The following SLC24A5 variants were observed in gnomAD, a reference collection of about 807,000 sequenced individuals.
SLC24A5 encodes sodium/potassium/calcium exchanger 5.
In SLC24A5, 46 loss-of-function variants were observed where a neutral mutation model predicts 51.6. That is an observed-to-expected ratio of 0.89 (90% CI 0.70 to 1.14). SLC24A5 has a LOEUF of 1.14. SLC24A5 is among the 50% of genes most tolerant of loss of function. The probability of loss-of-function intolerance (pLI) is 0.00; values close to 1 mark genes in which losing one functional copy is unlikely to be tolerated. For synonymous variants in SLC24A5, 230 were observed against 214.9 expected (o/e 1.07, Z -0.62); for missense variants, 581 against 604.1 (o/e 0.96, Z 0.40).
chr15:48,139,046 T>C lies in SLC24A5; in HGVS notation c.949T>C (p.Leu317=), dbSNP rs1211206409. The change falls in exon 7 of 9, where the codon TTA becomes CTA. Residue 317 remains leucine (L), a synonymous_variant. Transcript: ENST00000341459. The part of the protein sequence containing the change: ...FWVLSLPIIT[L]LFLTTPDCRK... ...GGTATTATCCCTTCCTATTATTACA[T>C]TACTTTTTCTAACCACACCAGATTG... 1.2e-6 allele frequency: 2 copies of C among 1,613,126 alleles called. No homozygotes were observed. The highest frequency in any genetic ancestry group is 1.7e-6 in the Non-Finnish European group (2 of 1,179,298).
chr15:48,121,796 CTG>C, intron 1 of SLC24A5, 59 bp from the exon 2 acceptor site: 1 of 1,540,704 alleles, frequency 6.5e-7, no homozygotes, highest in Non-Finnish European at 8.9e-7. Context: ...AGGAAGCTCT[CTG>C]TGGGCTTGGA....
intron 2 of SLC24A5, among the ~76,000 whole-genome samples, chr15:48,128,948 T>A (rs570516258): frequency 6.6e-6 from 1 of 152,312 alleles, no homozygotes; most frequent in East Asian, 1.9e-4. Flanking sequence ...GTTCCCTTCC[T>A]ACCTCTGCAT....
chr15:48,133,362 G>A (rs924920812), intron 2 of SLC24A5, among the ~76,000 whole-genome samples: 6 of 151,976 alleles, frequency 3.9e-5, no homozygotes, highest in Non-Finnish European at 5.9e-5. Flanking sequence ...AACCTATCTC[G>A]GCCTACGGCT....
At chr15:48,130,734 C>T (rs1046252804) in intron 2 of SLC24A5, among the ~76,000 whole-genome samples, 4 of 151,820 alleles carry the variant, frequency 2.6e-5, no homozygotes, top group African/African-American at 4.8e-5. Flanking sequence ...TAGAATGTGC[C>T]GGAAAACTTC....
intron 2 of SLC24A5, 79 bp downstream of exon 2, chr15:48,122,115 C>A: frequency 6.9e-7 from 1 of 1,450,068 alleles, no homozygotes. Flanking sequence ...AATAGCTCAG[C>A]AGCTGTCCTG....
chr15:48,139,169 A>G lies in SLC24A5; in HGVS notation c.1072A>G (p.Ile358Val), dbSNP rs1328472078. The change falls in exon 7 of 9, where the codon ATA becomes GTA. Residue 358 changes from isoleucine (I) to valine (V), a missense_variant. Physicochemically the swap from Ile to Val is conservative, Grantham distance 29 (BLOSUM62 3). Coordinates refer to ENST00000341459, the MANE Select transcript of SLC24A5 (RefSeq NM_205850.3). ...ATATATCCTGGTTTGGATGGTCACA[A>G]TAACTGGTATGTATTTTAAGTACAA... The part of the protein sequence containing the change: ...FTYILVWMVT[I>V]TGETLEIPDT... The G allele has an allele frequency of 2.5e-6, 4 of 1,608,814 alleles. No homozygotes were observed. The highest frequency in any genetic ancestry group is 1.3e-5 in the African/African-American group (1 of 74,828).
chr15:48,121,906 G>A lies in SLC24A5; in HGVS notation c.171G>A (p.Gly57=), dbSNP rs1191193091. ...CTCCATCATCGGAGTTTCCCGAAGGGTTTTTCACGAGACAGGAGCGCAGAG... is the reference window on the plus strand; with the variant it reads ...CTCCATCATCGGAGTTTCCCGAAGGATTTTTCACGAGACAGGAGCGCAGAG... ...VISPSSEFPE[G]FFTRQERRDG... The change falls in exon 2 of 9, where the codon GGG becomes GGA. Residue 57 remains glycine (G), a synonymous_variant. Transcript: ENST00000341459. 6.2e-7 allele frequency: 1 copy of A among 1,614,084 alleles called. No individual in the cohort carries two copies. Among genetic ancestry groups the A allele is most frequent in the South Asian group, 1.1e-5 (1 of 91,082 alleles).
chr15:48,133,369 G>A (rs937567075), intron 2 of SLC24A5, among the ~76,000 whole-genome samples: 2 of 151,994 alleles, frequency 1.3e-5, no homozygotes, highest in Admixed American at 6.6e-5. Context: ...CTCGGCCTAC[G>A]GCTTTCTCTG....
At chr15:48,124,777 G>A (rs2038714088) in intron 2 of SLC24A5, 1 of 152,174 alleles carries the variant, frequency 6.6e-6, no homozygotes, top group Admixed American at 6.5e-5. Flanking sequence ...TTTCTCAAGT[G>A]AGTCTCTCTG....
At chr15:48,122,361 T>C (rs1012325724) in intron 2 of SLC24A5, 21 of 441,184 alleles carry the variant, frequency 4.8e-5, no homozygotes, top group Non-Finnish European at 7.5e-5. Flanking sequence ...TGTGCGCTCC[T>C]AATACAATGA....
intron 4 of SLC24A5, 60 bp from the exon 5 acceptor site, chr15:48,134,824 C>T (rs1158125703): frequency 2.4e-6 from 3 of 1,266,802 alleles, no homozygotes; most frequent in Admixed American, 1.9e-5. Flanking sequence ...TAGTATTATA[C>T]TAAGGATTGT....
At chr15:48,128,691 C>T (rs77937897) in intron 2 of SLC24A5, among the ~76,000 whole-genome samples, 177 of 152,244 alleles carry the variant, frequency 1.2e-3, no homozygotes, top group African/African-American at 4.0e-3. Context: ...CTCCCTGCTA[C>T]ACACTCATTC....
Position 48,139,085 on chromosome 15 carries a change from T to C in SLC24A5, c.988T>C (p.Trp330Arg), listed in dbSNP as rs200031114. ...CACACCAGATTGTAGAAAAAAGTTT[T>C]GGAAAAACTACTTTGTGATAACCTT... is the stretch of plus-strand genomic sequence containing the variant. ...LTTPDCRKKF[W>R]KNYFVITFFM... The change falls in exon 7 of 9, where the codon TGG (tryptophan) becomes CGG (arginine). Residue 330 changes from tryptophan to arginine, a missense_variant. Coordinates refer to ENST00000341459, the MANE Select transcript of SLC24A5 (RefSeq NM_205850.3). 7.4e-5 allele frequency: 119 copies of C among 1,613,142 alleles called. No homozygotes were observed. The highest frequency in any genetic ancestry group is 9.8e-5 in the Non-Finnish European group (115 of 1,179,406).
At chr15:48,121,219 A>C in intron 1 of SLC24A5, 54 bp downstream of exon 1, 1 of 1,533,514 alleles carries the variant, frequency 6.5e-7, no homozygotes, top group African/African-American at 1.4e-5. Flanking sequence ...TGCTGCTGCT[A>C]CCACATACAG....
At position 48,136,902 on chromosome 15, in the gene SLC24A5, T is replaced by C. The variant is rs1187600689; in HGVS notation, c.810T>C (p.Tyr270=). ...CAAGAACTGATAGTGGAATATTTTA[T>C]GAAGATTCTGGCTACTCTCAGCTCT... ...RQSRTDSGIF[Y]EDSGYSQLSI... The change falls in exon 6 of 9, where the codon TAT becomes TAC. Residue 270 remains tyrosine, a synonymous_variant. Transcript: ENST00000341459. 6.2e-7 allele frequency: 1 copy of C among 1,613,876 alleles called. No homozygotes were observed. The highest frequency in any genetic ancestry group is 8.5e-7 in the Non-Finnish European group (1 of 1,179,796).
At position 48,142,236 on chromosome 15, in the gene SLC24A5, T is replaced by C. The variant is rs1282281030; in HGVS notation, c.1388T>C (p.Leu463Pro). ...FLAVHFNGWK[L>P]DRKLGIVCLL... Reference sequence around the variant, plus strand: ...GCAGTTCACTTCAATGGCTGGAAACTAGACAGAAAGTTGGGAATAGTCTGC... The same window carrying C: ...GCAGTTCACTTCAATGGCTGGAAACCAGACAGAAAGTTGGGAATAGTCTGC... Residue 463 changes from leucine to proline, a missense_variant, in exon 9 of 9, where the codon CTA becomes CCA. By Grantham distance (98) the Leu-to-Pro change is moderately conservative (BLOSUM62 -3). Coordinates refer to ENST00000341459, the MANE Select transcript of SLC24A5 (RefSeq NM_205850.3). The C allele has an allele frequency of 6.2e-7, 1 of 1,613,684 alleles. No homozygotes were observed. The highest frequency in any genetic ancestry group is 1.3e-5 in the African/African-American group (1 of 74,920).
chr15:48,129,449 C>T (rs2038766828), intron 2 of SLC24A5, among the ~76,000 whole-genome samples: 1 of 152,150 alleles, frequency 6.6e-6, no homozygotes, highest in Non-Finnish European at 1.5e-5. Context: ...CATGACTACT[C>T]ACCATGGTCA....
At chr15:48,137,239 T>C (rs754687037) in intron 6 of SLC24A5, 11 of 323,532 alleles carry the variant, frequency 3.4e-5, no homozygotes, top group Non-Finnish European at 5.6e-5. Flanking sequence ...TGAGGACAGA[T>C]AGGAGATTTT....
At chr15:48,132,187 C>T (rs1236101874) in intron 2 of SLC24A5, among the ~76,000 whole-genome samples, 1 of 152,132 alleles carries the variant, frequency 6.6e-6, no homozygotes, top group Non-Finnish European at 1.5e-5. Flanking sequence ...ACCTCAATAC[C>T]TTTGCAGTCA....
Sources: allele counts gnomAD v4.1 joint callset (sites outside exome capture counted in the v4.1 genomes callset), GRCh38; gene constraint gnomAD v4.1.1; transcripts MANE v1.5; gene names NCBI Gene and HGNC (gene_info 2026-07-23, HGNC 2026-07-21).